Variants in INPP5K observed in about 807,000 individuals in gnomAD.
INPP5K encodes the protein inositol polyphosphate-5-phosphatase K, also known as inositol polyphosphate 5-phosphatase K.
In INPP5K, 35 loss-of-function variants were observed where a neutral mutation model predicts 53.5. That is an observed-to-expected ratio of 0.65 (90% CI 0.50 to 0.87). The LOEUF is 0.87. INPP5K is among the 40% of genes least tolerant of loss of function. The pLI is 0.00. For synonymous variants in INPP5K, 253 were observed against 232.8 expected (o/e 1.09, Z -0.79); for missense variants, 550 against 586.2 (o/e 0.94, Z 0.64).
At position 1,509,264 on chromosome 17, in the gene INPP5K, G is replaced by A; in HGVS notation, c.468C>T (p.Asn156=). ...CAAAGTGCTCCAGCCGCTGGTAATT[G>A]TTGGAAATGTGGGGAGGCAGGTGGC... ...INCHLPPHIS[N]NYQRLEHFDR... Residue 156 remains asparagine, a synonymous_variant, in exon 5 of 12, where the codon AAC becomes AAT. Transcript: ENST00000421807. The A allele has an allele frequency of 1.2e-6, 2 of 1,614,114 alleles. No individual in the cohort carries two copies. Among genetic ancestry groups the A allele is most frequent in the Non-Finnish European group, 1.7e-6 (2 of 1,180,016 alleles).
At chr17:1,503,699 CAAG>C (rs538092374) in intron 7 of INPP5K, among the ~76,000 whole-genome samples, 227 of 152,174 alleles carry the variant, frequency 1.5e-3, no homozygotes, top group African/African-American at 5.2e-3. Flanking sequence ...GCCTGGGTGA[CAAG>C]AAGAAAACTC....
At chr17:1,511,247 T>C (rs2075300295) in intron 3 of INPP5K, among the ~76,000 whole-genome samples, 1 of 151,936 alleles carries the variant, frequency 6.6e-6, no homozygotes, top group East Asian at 1.9e-4. Context: ...GTTGAGGAAC[T>C]AAGATTTAGG....
chr17:1,497,750 G>T, intron 8 of INPP5K, 186 bp downstream of exon 8: 1 of 582,440 alleles, frequency 1.7e-6, no homozygotes, highest in South Asian at 2.3e-5. Context: ...ACACGGTTTT[G>T]ACAGACAGAG....
At chr17:1,499,172 G>A (rs1325621127) in intron 7 of INPP5K, among the ~76,000 whole-genome samples, 1 of 152,228 alleles carries the variant, frequency 6.6e-6, no homozygotes, top group African/African-American at 2.4e-5. Flanking sequence ...AGTGCTTGGT[G>A]CAAAACGAGC....
At chr17:1,510,181 T>C (rs1261889562) in intron 3 of INPP5K, among the ~76,000 whole-genome samples, 1 of 152,238 alleles carries the variant, frequency 6.6e-6, no homozygotes, top group Non-Finnish European at 1.5e-5. Flanking sequence ...TCATAGATGC[T>C]GTGGGGATTA....
intron 7 of INPP5K, among the ~76,000 whole-genome samples, chr17:1,499,889 C>G (rs1440400410): frequency 6.6e-6 from 1 of 152,258 alleles, no homozygotes; most frequent in Non-Finnish European, 1.5e-5. Flanking sequence ...GTCTCACACA[C>G]TCTATCTCAT....
At chr17:1,497,156 GT>G (rs2074874559) in intron 8 of INPP5K, among the ~76,000 whole-genome samples, 1 of 152,214 alleles carries the variant, frequency 6.6e-6, no homozygotes, top group Admixed American at 6.5e-5. Context: ...GGATGCTCTG[GT>G]GAGAACAGCT....
chr17:1,516,474 G>A lies in INPP5K; in HGVS notation c.26C>T (p.Pro9Leu). Residue 9 changes from proline (P) to leucine (L), a missense_variant, in exon 1 of 12, where the codon CCG (proline) becomes CTG (leucine). Physicochemically the swap from Pro to Leu is moderately conservative, Grantham distance 98. Coordinates refer to ENST00000421807, the MANE Select transcript of INPP5K (RefSeq NM_016532.4). The stretch of plus-strand genomic sequence containing the variant: ...CCCTCACCTGAGCCTCCTGCCTTTC[G>A]GCCCGCTCAGCTTCCGCGAGCTCAT... The part of the protein sequence containing the change: MSSRKLSG[P>L]KGRRLSIHVV... The A allele has an allele frequency of 1.3e-6, 2 of 1,589,358 alleles. No homozygotes were observed. The highest frequency in any genetic ancestry group is 1.7e-6 in the Non-Finnish European group (2 of 1,176,170).
intron 7 of INPP5K, among the ~76,000 whole-genome samples, chr17:1,501,906 G>A (rs1231624549): frequency 2.6e-5 from 4 of 151,472 alleles, no homozygotes; most frequent in Non-Finnish European, 5.9e-5. Flanking sequence ...GTGGTGGCAT[G>A]TGCCTGTAAC....
At chr17:1,501,370 C>CTTTTGAATCAGAGACCAG (rs1364834226) in intron 7 of INPP5K, among the ~76,000 whole-genome samples, 2 of 152,216 alleles carry the variant, frequency 1.3e-5, no homozygotes, top group African/African-American at 4.8e-5. Context: ...TGAGCTCAGA[C>CTTTTGAATCAGAGACCAG]TTTTGAATCA....
intron 1 of INPP5K, chr17:1,515,335 C>G (rs1427760607): frequency 6.9e-5 from 47 of 684,010 alleles, no homozygotes; most frequent in Non-Finnish European, 8.3e-5. Flanking sequence ...TATTTTCCAC[C>G]TCAGCTTACA....
chr17:1,516,081 G>C, intron 1 of INPP5K: 1 of 1,123,640 alleles, frequency 8.9e-7, no homozygotes, highest in Non-Finnish European at 1.1e-6. Flanking sequence ...GATTCCCGGG[G>C]TTCACCATGG....
rs778607009 is a variant in INPP5K at position 1,509,179 on chromosome 17, C to A, written c.553G>T (p.Asp185Tyr). ...ACGGTCTGCCAGACCCAGGCTCACT[C>A]GTGGTCCAGGATGTTTGGGATGTCT... ...GRDIPNILDHDLIIWFGDMNF... is the reference protein window; with the variant it reads ...GRDIPNILDHYLIIWFGDMNF... The change falls in exon 5 of 12, where the codon GAC becomes TAC. Residue 185 changes from aspartate (D) to tyrosine (Y), a missense_variant and splice_region_variant. Coordinates refer to ENST00000421807, the MANE Select transcript of INPP5K (RefSeq NM_016532.4). 6.2e-7 allele frequency: 1 copy of A among 1,612,360 alleles called. No individual in the cohort carries two copies. Among genetic ancestry groups the A allele is most frequent in the Non-Finnish European group, 8.5e-7 (1 of 1,179,850 alleles).
At position 1,506,989 on chromosome 17, in the gene INPP5K, T is replaced by C. The variant is rs975836210; in HGVS notation, c.767A>G (p.Tyr256Cys). 1 of 1,612,760 alleles carries C rather than the reference T, an allele frequency of 6.2e-7. No individual in the cohort carries two copies. The highest frequency in any genetic ancestry group is 1.3e-5 in the African/African-American group (1 of 75,012). ...TYKFDRNSND[Y>C]DTSEKKRKPA... is the part of the protein sequence containing the mutation. ...CCCACTCCCTCCTCACCTGGTGTCA[T>C]AGTCGTTGGAGTTCCTATCAAACTT... Residue 256 changes from tyrosine to cysteine, a missense_variant, in exon 7 of 12, where the codon TAT becomes TGT. Coordinates refer to ENST00000421807, the MANE Select transcript of INPP5K (RefSeq NM_016532.4).
intron 8 of INPP5K, among the ~76,000 whole-genome samples, chr17:1,497,507 C>T (rs961064238): frequency 1.3e-5 from 2 of 152,082 alleles, no homozygotes; most frequent in Non-Finnish European, 2.9e-5. Flanking sequence ...TGTATGAAAA[C>T]GTGAAGGCTG....
intron 3 of INPP5K, chr17:1,510,366 A>C (rs1298197285): frequency 6.6e-6 from 1 of 152,128 alleles, no homozygotes; most frequent in African/African-American, 2.4e-5. Flanking sequence ...ACAGGCGCCC[A>C]CCACCAGGTC....
chr17:1,499,093 A>G (rs574090692), intron 7 of INPP5K, among the ~76,000 whole-genome samples: 2 of 152,360 alleles, frequency 1.3e-5, no homozygotes, highest in East Asian at 1.9e-4. Flanking sequence ...AGTGGAGGGA[A>G]TAACAGTAGT....
chr17:1,500,771 T>C (rs190687304), intron 7 of INPP5K, among the ~76,000 whole-genome samples: 21 of 152,274 alleles, frequency 1.4e-4, no homozygotes, highest in Admixed American at 5.2e-4. Flanking sequence ...GACTTAGCTG[T>C]TGGAGTGTCC....
intron 3 of INPP5K, 125 bp from the exon 4 acceptor site, chr17:1,509,924 C>T (rs187172111): frequency 2.4e-5 from 15 of 614,314 alleles, no homozygotes; most frequent in African/African-American, 5.7e-5. Flanking sequence ...CCAGGGTCTA[C>T]GATATCCCAG....
Sources: gnomAD v4.1 joint callset for allele counts (sites outside exome capture counted in the v4.1 genomes callset) on GRCh38, gnomAD v4.1.1 for gene constraint, MANE v1.5 for transcripts, NCBI Gene and HGNC (gene_info 2026-07-23, HGNC 2026-07-21) for gene names.